Variants in KDM5A observed in about 807,000 individuals in gnomAD.
KDM5A encodes lysine-specific demethylase 5A.
Under a neutral mutation model 193.5 loss-of-function variants are expected in KDM5A, and 42 were observed. The observed-to-expected ratio is 0.22, with a 90% CI of 0.17 to 0.28. The LOEUF (loss-of-function observed/expected upper bound fraction) is 0.28, where lower values mean the gene tolerates loss of function less well. Ranked by LOEUF, KDM5A falls within the 10% of genes least tolerant of loss-of-function variation. The pLI, the probability that KDM5A is intolerant of heterozygous loss-of-function variation, is 1.00. For synonymous variants in KDM5A, 796 were observed against 718.1 expected (o/e 1.11, Z -1.73); for missense variants, 1,692 against 2,055.1 (o/e 0.82, Z 3.42).
In KDM5A at chr12:333,352, G is replaced by A. The variant is rs985729688; in HGVS notation, c.1653+135C>T. 17 of 917,722 alleles carry A rather than the reference G, an allele frequency of 1.9e-5. No homozygotes were observed. The African/African-American group carries it at 2.6e-4, about 14-fold the overall frequency. The allele number at this position is 917,722 out of a possible 1,614,324, so 56.8% of individuals were successfully genotyped here. A position where few individuals can be genotyped will look rare whatever the true frequency, so the allele number is the denominator to read the frequency against. On this transcript the variant is annotated intron_variant, in intron 12 of 27. Transcript: ENST00000399788. ...GAGAACTGCTTGAGCTGAGCAGGCT[G>A]AGGCTGCAATGAGCAATCATCGTGC...
chr12:377,843 C>A (rs957394596), intron 3 of KDM5A, among the ~76,000 whole-genome samples: 5 of 152,044 alleles, frequency 3.3e-5, no homozygotes, highest in Non-Finnish European at 7.4e-5. Flanking sequence ...CTTAAAAAAA[C>A]ACCCAGTCAA....
At chr12:380,052 G>A (rs1024809846) in intron 3 of KDM5A, among the ~76,000 whole-genome samples, 1 of 151,744 alleles carries the variant, frequency 6.6e-6, no homozygotes, top group Non-Finnish European at 1.5e-5. Context: ...GAGATCACTT[G>A]AGATCAGGAG....
intron 4 of KDM5A, among the ~76,000 whole-genome samples, chr12:364,739 C>T (rs1489309318): frequency 1.4e-5 from 2 of 146,140 alleles, no homozygotes; most frequent in Admixed American, 6.9e-5. Flanking sequence ...AAGCCGAGAT[C>T]GCGCCACTGC....
chr12:383,992 A>G, intron 3 of KDM5A, 39 bp downstream of exon 3: 1 of 1,604,004 alleles, frequency 6.2e-7, no homozygotes, highest in Non-Finnish European at 8.5e-7. Context: ...CTAAATTCAC[A>G]AGCCTGTGCT....
chr12:309,700 T>A, intron 22 of KDM5A, 103 bp downstream of exon 22: 1 of 1,216,036 alleles, frequency 8.2e-7, no homozygotes, highest in Non-Finnish European at 1.2e-6. Flanking sequence ...AGCCAAAGTA[T>A]ATGAAAATAA....
chr12:294,971 T>G (rs1045389477), intron 26 of KDM5A, among the ~76,000 whole-genome samples: 3 of 152,190 alleles, frequency 2.0e-5, no homozygotes, highest in African/African-American at 7.2e-5. Flanking sequence ...GTGTGATATA[T>G]GAATGTGGAC....
chr12:296,342 G>C (rs915864768), intron 25 of KDM5A, among the ~76,000 whole-genome samples: 10 of 149,508 alleles, frequency 6.7e-5, no homozygotes, highest in Non-Finnish European at 1.2e-4. Flanking sequence ...AAAAAAAAGT[G>C]GTTCTTTATC....
chr12:335,008 A>T (rs1156347786), intron 10 of KDM5A, among the ~76,000 whole-genome samples: 4 of 152,100 alleles, frequency 2.6e-5, no homozygotes, highest in African/African-American at 9.7e-5. Flanking sequence ...ACCTAGAAAT[A>T]CCGGATAAAT....
chr12:317,125 A>G lies in KDM5A; in HGVS notation c.2897+981T>C, dbSNP rs1591909930. 4.6e-5 allele frequency among the ~76,000 whole-genome samples: 7 copies of G among 152,320 alleles called. 1 individual carries two copies. In the South Asian group the frequency reaches 1.5e-3, roughly 32 times the overall value. On this transcript the variant is annotated intron_variant, in intron 19 of 27. Coordinates refer to ENST00000399788, the MANE Select transcript of KDM5A (RefSeq NM_001042603.3). ...CTTTATTTAAATCTCATTAAGTCCA[A>G]TGGGGTGCTGATGCTAATACAGCCA... is the stretch of plus-strand genomic sequence containing the variant.
chr12:298,083 A>G (rs1446926762), intron 24 of KDM5A, among the ~76,000 whole-genome samples: 1 of 152,222 alleles, frequency 6.6e-6, no homozygotes, highest in Non-Finnish European at 1.5e-5. Context: ...TCCCTGGGAC[A>G]GAGCACCTGG....
intron 10 of KDM5A, among the ~76,000 whole-genome samples, chr12:338,730 T>C (rs919161183): frequency 6.6e-6 from 1 of 152,186 alleles, no homozygotes; most frequent in Non-Finnish European, 1.5e-5. Context: ...CAAAGAGTCC[T>C]ATCCTATAGA....
At chr12:301,042 T>A (rs1024285199) in intron 24 of KDM5A, among the ~76,000 whole-genome samples, 1 of 152,080 alleles carries the variant, frequency 6.6e-6, no homozygotes, top group Non-Finnish European at 1.5e-5. Context: ...ATTAATAGCA[T>A]ACCAACCAAA....
At chr12:330,665 A>T (rs1031628144) in intron 13 of KDM5A, among the ~76,000 whole-genome samples, 1 of 152,226 alleles carries the variant, frequency 6.6e-6, no homozygotes, top group African/African-American at 2.4e-5. Context: ...CAAAATCCTA[A>T]GCCTAGTCTT....
rs1017583986 is a variant in KDM5A, at chr12:313,702, T to C, written c.2898-508A>G. Among the ~76,000 whole-genome samples, 4 of 152,338 alleles carry C rather than the reference T, an allele frequency of 2.6e-5. No individual in the cohort carries two copies. In the East Asian group the frequency reaches 7.7e-4, roughly 29 times the overall value. On this transcript the variant is annotated intron_variant, in intron 19 of 27. Transcript: ENST00000399788. ...TAGTTACACAAAGATGAATAAAGCATAGACCTTATCCTCAATGAATCACAA... is the reference window on the plus strand; with the variant it reads ...TAGTTACACAAAGATGAATAAAGCACAGACCTTATCCTCAATGAATCACAA...
chr12:317,143 T>TA (rs1396322091), intron 19 of KDM5A, among the ~76,000 whole-genome samples: 2 of 152,224 alleles, frequency 1.3e-5, no homozygotes, highest in Admixed American at 6.5e-5. Flanking sequence ...CTGATGCTAA[T>TA]ACAGCCACTC....
intron 10 of KDM5A, among the ~76,000 whole-genome samples, chr12:345,128 G>A (rs934613635): frequency 6.6e-6 from 1 of 151,990 alleles, no homozygotes; most frequent in Non-Finnish European, 1.5e-5. Flanking sequence ...CCCAGTCTCT[G>A]ATAAAACAGA....
chr12:313,088 G>A lies in KDM5A; in HGVS notation c.3004C>T (p.Arg1002Ter), dbSNP rs1448384274. Reference sequence around the variant, plus strand: ...GCTTCCACTTTAGCGGTCCATTCTCGAGCCTTTTGTAAGGCTTCTTTCAAG... The same window carrying A: ...GCTTCCACTTTAGCGGTCCATTCTCAAGCCTTTTGTAAGGCTTCTTTCAAG... The part of the protein sequence containing the change: ...LSLKEALQKA[R>*]EWTAKVEAIQ... The change falls in exon 20 of 28, where the codon CGA (arginine) becomes TGA (stop). Residue 1002 changes from arginine (R) to a stop codon, truncating the protein, a stop_gained. Coordinates refer to ENST00000399788, the MANE Select transcript of KDM5A (RefSeq NM_001042603.3). LOFTEE classifies it high-confidence loss of function. 1 of 1,613,924 alleles carries A rather than the reference G, an allele frequency of 6.2e-7. No individual in the cohort carries two copies. The highest frequency in any genetic ancestry group is 8.5e-7 in the Non-Finnish European group (1 of 1,179,964).
intron 10 of KDM5A, among the ~76,000 whole-genome samples, chr12:339,035 G>A (rs954415540): frequency 2.0e-5 from 3 of 152,040 alleles, no homozygotes; most frequent in East Asian, 1.9e-4. Context: ...ATAAGTAGCC[G>A]GGCGTGGTGG....
At chr12:352,184 C>T (rs764289795) in intron 9 of KDM5A, 21 bp downstream of exon 9, 2 of 1,600,636 alleles carry the variant, frequency 1.2e-6, no homozygotes, top group East Asian at 2.3e-5. Context: ...CCCGGACCGA[C>T]CTAAAAGATA....
Sources: gnomAD v4.1 joint callset for allele counts (sites outside exome capture counted in the v4.1 genomes callset) on GRCh38, gnomAD v4.1.1 for gene constraint, MANE v1.5 for transcripts, NCBI Gene and HGNC (gene_info 2026-07-23, HGNC 2026-07-21) for gene names.